The following IMMP2L variants were observed in gnomAD, a reference collection of about 807,000 sequenced individuals.
The protein encoded by IMMP2L is inner mitochondrial membrane peptidase subunit 2.
A neutral mutation model predicts 19.3 loss-of-function variants in IMMP2L; 18 were observed. The ratio of observed to expected loss-of-function variants is 0.93; its 90% CI spans 0.64 to 1.38. The LOEUF is 1.38. IMMP2L is among the 40% of genes most tolerant of loss of function. The pLI, the probability that IMMP2L is intolerant of heterozygous loss-of-function variation, is 0.00. For synonymous variants in IMMP2L, 76 were observed against 73.0 expected (o/e 1.04, Z -0.21); for missense variants, 233 against 218.2 (o/e 1.07, Z -0.43).
At chr7:111,063,894 T>C (rs1444388604) in intron 3 of IMMP2L, among the ~76,000 whole-genome samples, 1 of 152,212 alleles carries the variant, frequency 6.6e-6, no homozygotes, top group Admixed American at 6.5e-5. Context: ...CTCTAGGAAG[T>C]TCCAAACTTT....
chr7:111,106,392 A>G (rs1207916398), intron 3 of IMMP2L, among the ~76,000 whole-genome samples: 1 of 151,970 alleles, frequency 6.6e-6, no homozygotes, highest in Non-Finnish European at 1.5e-5. Context: ...CAGCCCTTGA[A>G]ATAATAGAAA....
intron 5 of IMMP2L, among the ~76,000 whole-genome samples, chr7:110,850,365 C>T (rs1049934059): frequency 6.6e-6 from 1 of 152,108 alleles, no homozygotes; most frequent in African/African-American, 2.4e-5. Context: ...TTCTCCATGA[C>T]AATGACCTGG....
chr7:111,174,020 C>T (rs1806754451), intron 3 of IMMP2L, among the ~76,000 whole-genome samples: 1 of 151,632 alleles, frequency 6.6e-6, no homozygotes, highest in African/African-American at 2.4e-5. Context: ...TCCTCATGGG[C>T]ATCTATTTGT....
intron 5 of IMMP2L, among the ~76,000 whole-genome samples, chr7:110,778,177 A>G (rs986177580): frequency 1.3e-5 from 2 of 152,010 alleles, no homozygotes; most frequent in East Asian, 3.9e-4. Context: ...GAGAGTCTAG[A>G]AGCTTTAAGA....
In IMMP2L at chr7:111,554,018, C is replaced by T. The variant is rs76330219; in HGVS notation, c.-3+7833G>A. 3.4e-4 allele frequency among the ~76,000 whole-genome samples: 51 copies of T among 152,192 alleles called. 1 individual carries two copies. The East Asian group carries it at 9.3e-3, about 28-fold the overall frequency. ...AGTCTCAGTAACTTAACTAAGGATA[C>T]GTAACTATTAAAAGGAATTCAAGAA... On this transcript the variant is annotated intron_variant, in intron 1 of 5. Transcript: ENST00000405709.
chr7:111,437,381 G>C lies in IMMP2L; in HGVS notation c.239+49857C>G, dbSNP rs1837284250. ...AATCGCTTGAACCCGGGAGACAGAG[G>C]TTGCACTGAGCCGAGATCACGCCCA... On this transcript the variant is annotated intron_variant, in intron 3 of 5. Coordinates refer to ENST00000405709, the MANE Select transcript of IMMP2L (RefSeq NM_032549.4). Among the ~76,000 whole-genome samples, 3 of 151,738 alleles carry C rather than the reference G, an allele frequency of 2.0e-5. 1 individual carries two copies. Among genetic ancestry groups the C allele is most frequent in the Non-Finnish European group, 4.4e-5 (3 of 68,008 alleles).
intron 3 of IMMP2L, among the ~76,000 whole-genome samples, chr7:111,432,269 T>C (rs1585074375): frequency 6.6e-6 from 1 of 151,674 alleles, no homozygotes; most frequent in Admixed American, 6.6e-5. Context: ...GTCTTCTGTG[T>C]TGATGATTGT....
intron 3 of IMMP2L, among the ~76,000 whole-genome samples, chr7:110,987,890 A>G (rs908665323): frequency 6.6e-6 from 1 of 152,152 alleles, no homozygotes; most frequent in African/African-American, 2.4e-5. Context: ...ATCTCCCCCA[A>G]ATAGTCTACT....
intron 3 of IMMP2L, among the ~76,000 whole-genome samples, chr7:111,150,727 A>G (rs1693893044): frequency 6.6e-6 from 1 of 152,244 alleles, no homozygotes; most frequent in African/African-American, 2.4e-5. Context: ...ACATATGTAT[A>G]TATTCACTTT....
intron 5 of IMMP2L, among the ~76,000 whole-genome samples, chr7:110,792,796 T>C (rs1168416288): frequency 1.3e-5 from 2 of 152,094 alleles, no homozygotes; most frequent in Non-Finnish European, 2.9e-5. Context: ...CATTATAGTA[T>C]CATACAGAGG....
chr7:110,918,049 C>T (rs1251037411), intron 4 of IMMP2L, among the ~76,000 whole-genome samples: 1 of 152,176 alleles, frequency 6.6e-6, no homozygotes, highest in East Asian at 1.9e-4. Context: ...CCACCAACAA[C>T]AGGCCAGGAG....
chr7:110,962,024 TA>T (rs1458213608), intron 4 of IMMP2L, among the ~76,000 whole-genome samples: 2 of 151,940 alleles, frequency 1.3e-5, no homozygotes, highest in Non-Finnish European at 2.9e-5. Flanking sequence ...ACATTTATAC[TA>T]AAACTCATTG....
chr7:111,535,627 C>A (rs967564681), intron 1 of IMMP2L, among the ~76,000 whole-genome samples: 2 of 152,070 alleles, frequency 1.3e-5, no homozygotes, highest in African/African-American at 4.8e-5. Flanking sequence ...TTATACCCAA[C>A]CCAAGGGTAT....
intron 5 of IMMP2L, among the ~76,000 whole-genome samples, chr7:110,785,170 C>T (rs1317092210): frequency 6.6e-6 from 1 of 151,726 alleles, no homozygotes; most frequent in Non-Finnish European, 1.5e-5. Context: ...GTCCTTTTTA[C>T]CAAAAGCTAT....
chr7:111,390,607 C>T (rs1179079814), intron 3 of IMMP2L: 2 of 152,072 alleles, frequency 1.3e-5, no homozygotes, highest in Non-Finnish European at 2.9e-5. Flanking sequence ...TGTACTTTCC[C>T]CTTTTCATGT....
intron 5 of IMMP2L, among the ~76,000 whole-genome samples, chr7:110,885,323 AT>A (rs1325371063): frequency 6.6e-6 from 1 of 151,882 alleles, no homozygotes; most frequent in Non-Finnish European, 1.5e-5. Flanking sequence ...AGCATTTCAG[AT>A]TTCAGACTTT....
At chr7:111,339,897 T>G (rs1283572038) in intron 3 of IMMP2L, among the ~76,000 whole-genome samples, 1 of 152,012 alleles carries the variant, frequency 6.6e-6, no homozygotes, top group Non-Finnish European at 1.5e-5. Context: ...GGATGCTATG[T>G]TCCAAAACAC....
At chr7:110,825,682 T>C (rs1017319552) in intron 5 of IMMP2L, among the ~76,000 whole-genome samples, 7 of 152,066 alleles carry the variant, frequency 4.6e-5, no homozygotes, top group African/African-American at 1.7e-4. Context: ...ATACAAAAAT[T>C]AATTCAAGAT....
At chr7:111,044,534 C>T (rs1449352358) in intron 3 of IMMP2L, among the ~76,000 whole-genome samples, 1 of 152,088 alleles carries the variant, frequency 6.6e-6, no homozygotes, top group African/African-American at 2.4e-5. Flanking sequence ...GCACTCCAGC[C>T]TAGGCGACAA....
Sources: allele counts gnomAD v4.1 joint callset (sites outside exome capture counted in the v4.1 genomes callset), GRCh38; gene constraint gnomAD v4.1.1; transcripts MANE v1.5; gene names NCBI Gene and HGNC (gene_info 2026-07-23, HGNC 2026-07-21).